The following THSD7A variants were observed in gnomAD, a reference collection of about 807,000 sequenced individuals.
THSD7A encodes the protein thrombospondin type 1 domain containing 7A.
THSD7A carries 96 observed loss-of-function variants against 231.3 expected under a neutral mutation model. The observed-to-expected ratio is 0.41, with a 90% confidence interval of 0.35 to 0.49. THSD7A has a LOEUF of 0.49. Among genes scored for constraint, THSD7A ranks in the 20% least tolerant of loss-of-function variants. The probability of loss-of-function intolerance (pLI) is 0.05; values close to 1 mark genes in which losing one functional copy is unlikely to be tolerated. For missense variants in THSD7A, 2,290 were observed against 2,070.2 expected (o/e 1.11, Z -2.06); for synonymous variants, 940 against 743.3 (o/e 1.26, Z -4.30).
At chr7:11,815,922 T>C (rs1784680503) in intron 1 of THSD7A, among the ~76,000 whole-genome samples, 2 of 151,812 alleles carry the variant, frequency 1.3e-5, no homozygotes, top group South Asian at 4.2e-4. Flanking sequence ...TTTCTATCCC[T>C]GGAAACATGC....
intron 2 of THSD7A, among the ~76,000 whole-genome samples, chr7:11,594,277 A>T (rs531575958): frequency 1.3e-5 from 2 of 152,162 alleles, no homozygotes; most frequent in South Asian, 4.1e-4. Flanking sequence ...ATACTTAATA[A>T]CTACACTTTA....
intron 1 of THSD7A, among the ~76,000 whole-genome samples, chr7:11,723,077 C>T (rs1353081547): frequency 6.6e-6 from 1 of 151,872 alleles, no homozygotes; most frequent in Admixed American, 6.6e-5. Context: ...GGAACCAATC[C>T]AAATGTCCAA....
At position 11,731,242 on chromosome 7, in the gene THSD7A, A is replaced by C. The variant is rs571520784; in HGVS notation, c.191-94281T>G. 2.6e-5 allele frequency among the ~76,000 whole-genome samples: 4 copies of C among 151,214 alleles called. No individual in the cohort carries two copies. In the South Asian group the frequency reaches 8.3e-4, roughly 31 times the overall value. On this transcript the variant is annotated intron_variant, in intron 1 of 27. Coordinates refer to ENST00000423059, the MANE Select transcript of THSD7A (RefSeq NM_015204.3). ...ACAGACATTGATTATTTTACTCTTT[A>C]TTTTCTTAACTTTCATAATCATAAG... is the stretch of plus-strand genomic sequence containing the variant.
At chr7:11,485,196 T>C (rs1175868605) in intron 6 of THSD7A, among the ~76,000 whole-genome samples, 1 of 152,084 alleles carries the variant, frequency 6.6e-6, no homozygotes, top group Non-Finnish European at 1.5e-5. Flanking sequence ...GACTCAACCT[T>C]CATTCTTAAA....
At position 11,590,641 on chromosome 7, in the gene THSD7A, C is replaced by G; in HGVS notation, c.1272G>C (p.Thr424=). The change falls in exon 4 of 28, where the codon ACG becomes ACC. Residue 424 remains threonine, a splice_region_variant and synonymous_variant. Transcript: ENST00000423059. The surrounding 1 kb of genome is among the most constrained non-coding windows in gnomAD (Gnocchi z 4.4). Reference sequence around the variant, plus strand: ...TCCACTCTGTAGTTCTCCAGCCATACCTAAATAAAGACAACACCACCAGCA... The same window carrying G: ...TCCACTCTGTAGTTCTCCAGCCATAGCTAAATAAAGACAACACCACCAGCA... ...SQGDGVVPCA[T]YGWRTTEWTE... The G allele has an allele frequency of 6.3e-7, 1 of 1,599,922 alleles. No individual in the cohort carries two copies. Among genetic ancestry groups the G allele is most frequent in the African/African-American group, 1.3e-5 (1 of 74,440 alleles).
intron 1 of THSD7A, among the ~76,000 whole-genome samples, chr7:11,745,133 C>T (rs970426555): frequency 1.3e-5 from 2 of 151,936 alleles, no homozygotes; most frequent in Admixed American, 6.6e-5. Flanking sequence ...ATAATCGCCA[C>T]TCTAACTGGT....
chr7:11,390,156 G>A (rs1782924800), intron 23 of THSD7A, among the ~76,000 whole-genome samples: 1 of 152,020 alleles, frequency 6.6e-6, no homozygotes, highest in Non-Finnish European at 1.5e-5. Context: ...TTGAATGTTG[G>A]CCTGTCTTGC....
intron 1 of THSD7A, among the ~76,000 whole-genome samples, chr7:11,731,781 T>G (rs1206900950): frequency 6.6e-6 from 1 of 151,700 alleles, no homozygotes; most frequent in African/African-American, 2.4e-5. Flanking sequence ...ATCTAATTTG[T>G]GTTTGTGGGA....
At chr7:11,732,331 A>G (rs370260230) in intron 1 of THSD7A, among the ~76,000 whole-genome samples, 3 of 151,978 alleles carry the variant, frequency 2.0e-5, no homozygotes, top group East Asian at 3.9e-4. Flanking sequence ...ACTGCAATTC[A>G]GAAATGTAAA....
At chr7:11,791,473 G>A (rs988585868) in intron 1 of THSD7A, among the ~76,000 whole-genome samples, 3 of 151,994 alleles carry the variant, frequency 2.0e-5, no homozygotes, top group African/African-American at 7.2e-5. Flanking sequence ...GAGGGTTGAA[G>A]GAAAGTTGTA....
chr7:11,378,174 G>A (rs1484035584), intron 26 of THSD7A: 3 of 152,174 alleles, frequency 2.0e-5, no homozygotes, highest in Non-Finnish European at 2.9e-5. Context: ...TGCTAGCTAT[G>A]CAGATTCCTT....
intron 4 of THSD7A, among the ~76,000 whole-genome samples, chr7:11,587,334 G>C (rs1438768935): frequency 6.6e-6 from 1 of 152,110 alleles, no homozygotes; most frequent in African/African-American, 2.4e-5. Context: ...TTTTACTACT[G>C]ACACTGTCAG....
intron 6 of THSD7A, among the ~76,000 whole-genome samples, chr7:11,540,821 G>C (rs574301254): frequency 6.6e-6 from 1 of 152,244 alleles, no homozygotes; most frequent in African/African-American, 2.4e-5. Context: ...CTGAGGTTGG[G>C]GAAAAGAATC....
chr7:11,671,523 C>A (rs1475764455), intron 1 of THSD7A, among the ~76,000 whole-genome samples: 2 of 152,036 alleles, frequency 1.3e-5, no homozygotes, highest in Non-Finnish European at 2.9e-5. Flanking sequence ...TTGTAATTTG[C>A]AGTTTGCTGA....
chr7:11,621,857 G>A (rs1257068802), intron 2 of THSD7A, among the ~76,000 whole-genome samples: 2 of 152,082 alleles, frequency 1.3e-5, no homozygotes, highest in Non-Finnish European at 2.9e-5. Context: ...CAATGGCCTG[G>A]CTGTTGCAGA....
intron 1 of THSD7A, among the ~76,000 whole-genome samples, chr7:11,739,680 G>A (rs1433214136): frequency 6.6e-6 from 1 of 151,770 alleles, no homozygotes; most frequent in Non-Finnish European, 1.5e-5. Context: ...GGCCCCCAAA[G>A]TGATGAGATT....
intron 22 of THSD7A, 76 bp from the exon 23 acceptor site, chr7:11,402,044 C>A (rs987929849): frequency 6.4e-6 from 8 of 1,250,244 alleles, no homozygotes; most frequent in African/African-American, 6.0e-5. Flanking sequence ...TAATTCCAAC[C>A]CCAGTAGGCA....
intron 2 of THSD7A, among the ~76,000 whole-genome samples, chr7:11,595,787 C>T (rs1318704247): frequency 2.6e-5 from 4 of 152,222 alleles, no homozygotes; most frequent in Non-Finnish European, 5.9e-5. Context: ...AACTTAAATA[C>T]AATGAGAATA....
chr7:11,815,484 CT>C (rs1404218318), intron 1 of THSD7A, among the ~76,000 whole-genome samples: 1 of 151,902 alleles, frequency 6.6e-6, no homozygotes, highest in Admixed American at 6.6e-5. Flanking sequence ...TATATTTAAG[CT>C]TTACTTATTT....
Sources: gnomAD v4.1 joint callset for allele counts (sites outside exome capture counted in the v4.1 genomes callset) on GRCh38, gnomAD v4.1.1 for gene constraint, Gnocchi (gnomAD v3.1) non-coding constraint, MANE v1.5 for transcripts, NCBI Gene and HGNC (gene_info 2026-07-23, HGNC 2026-07-21) for gene names.